NECTIN1: variants seen among roughly 807,000 people sequenced by gnomAD.
The protein encoded by NECTIN1 is nectin-1.
A neutral mutation model predicts 48.0 loss-of-function variants in NECTIN1; 23 were observed. The observed-to-expected ratio is 0.48, with a 90% CI of 0.34 to 0.68. NECTIN1 has a LOEUF of 0.68. Among genes scored for constraint, NECTIN1 ranks in the 30% least tolerant of loss-of-function variants. NECTIN1 has a pLI of 0.01. For missense variants in NECTIN1, 591 were observed against 709.9 expected, an observed-to-expected ratio of 0.83 and a Z score of 1.90; for synonymous variants, 270 against 288.9, an observed-to-expected ratio of 0.93 and a Z score of 0.66.
downstream of NECTIN1, among the ~76,000 whole-genome samples, chr11:119,658,195 G>A (rs931953): frequency 0.69 from 104,239 of 151,952 alleles, 37,046 homozygotes; most frequent in Non-Finnish European, 0.78. Flanking sequence ...GCATAGATGA[G>A]GCCCCAGCTC....
Position 119,665,078 on chromosome 11 carries a change from T to A in NECTIN1, c.1223A>T (p.His408Leu), listed in dbSNP as rs1166706388. 3 of 1,613,848 alleles carry A rather than the reference T, an allele frequency of 1.9e-6. No individual in the cohort carries two copies. Among genetic ancestry groups the A allele is most frequent in the Non-Finnish European group, 2.5e-6 (3 of 1,179,968 alleles). ...NGYSKAGIPQ[H>L]HPPMAQNLQY... Reference sequence around the variant, plus strand: ...CAGGTTCTGTGCCATTGGTGGGTGGTGCTGGGGGATGCCTGCCTTGCTGTA... The same window carrying A: ...CAGGTTCTGTGCCATTGGTGGGTGGAGCTGGGGGATGCCTGCCTTGCTGTA... Residue 408 changes from histidine to leucine, a missense_variant, in exon 6 of 6, where the codon CAC becomes CTC. By Grantham distance (99) the His-to-Leu change is moderately conservative (BLOSUM62 -3). Coordinates refer to ENST00000264025, the MANE Select transcript of NECTIN1 (RefSeq NM_002855.5). The surrounding 1 kb of genome is among the most constrained non-coding windows in gnomAD (Gnocchi z 5.1).
chr11:119,693,216 T>G (rs552099728), intron 1 of NECTIN1, among the ~76,000 whole-genome samples: 1 of 152,086 alleles, frequency 6.6e-6, no homozygotes, highest in African/African-American at 2.4e-5. Flanking sequence ...ACTCTCGGGG[T>G]GTGTGTCTCT....
At position 119,697,762 on chromosome 11, in the gene NECTIN1, A is replaced by C. The variant is rs115270568; in HGVS notation, c.80-18997T>G. ...CCACTGTGCTCCCTTTCAGACTGAC[A>C]CTGCCCCTTGGTTTTCTGTCTCCTC... On this transcript the variant is annotated intron_variant, in intron 1 of 5. Coordinates refer to ENST00000264025, the MANE Select transcript of NECTIN1 (RefSeq NM_002855.5). Among the ~76,000 whole-genome samples, 976 of 152,332 alleles carry C rather than the reference A, an allele frequency of 6.4e-3. 12 individuals carry two copies. The highest frequency in any genetic ancestry group is 0.022 in the African/African-American group (914 of 41,568).
chr11:119,687,111 A>T (rs767754769), intron 1 of NECTIN1, among the ~76,000 whole-genome samples: 10 of 151,988 alleles, frequency 6.6e-5, no homozygotes, highest in African/African-American at 9.7e-5. Context: ...TCCTTCCTTG[A>T]CTGAAAGCAG....
intron 1 of NECTIN1, among the ~76,000 whole-genome samples, chr11:119,703,344 G>T (rs1185789462): frequency 6.6e-6 from 1 of 152,180 alleles, no homozygotes; most frequent in African/African-American, 2.4e-5. Context: ...TGGCACCAAC[G>T]GGACAGATAA....
At chr11:119,710,434 A>ACAC (rs1565400724) in intron 1 of NECTIN1, among the ~76,000 whole-genome samples, 2 of 151,368 alleles carry the variant, frequency 1.3e-5, no homozygotes, top group Non-Finnish European at 3.0e-5. Flanking sequence ...ACACACACAC[A>ACAC]GCCCTGCATG....
chr11:119,712,420 T>A (rs1482124066), intron 1 of NECTIN1, among the ~76,000 whole-genome samples: 1 of 152,012 alleles, frequency 6.6e-6, no homozygotes, highest in South Asian at 2.1e-4. Context: ...GGGGGCTTTG[T>A]GCAAAGATCA....
At chr11:119,638,235 C>T (rs1240679781) in exon 8 of NECTIN1, 1 of 1,613,912 alleles carries the variant, frequency 6.2e-7, no homozygotes, top group Non-Finnish European at 8.5e-7. Context: ...CTCCCTGGGT[C>T]CAGGTGGACA....
At chr11:119,715,179 G>C (rs997028635) in intron 1 of NECTIN1, among the ~76,000 whole-genome samples, 9 of 152,136 alleles carry the variant, frequency 5.9e-5, no homozygotes, top group African/African-American at 2.2e-4. Flanking sequence ...GTTTTAGGAA[G>C]TGAATGGGGT....
intron 1 of NECTIN1, among the ~76,000 whole-genome samples, chr11:119,724,141 C>G (rs368382087): frequency 6.6e-6 from 1 of 152,204 alleles, no homozygotes; most frequent in African/African-American, 2.4e-5. Context: ...TTTAATTGCC[C>G]AGAGTATGCT....
intron 1 of NECTIN1, among the ~76,000 whole-genome samples, chr11:119,704,799 C>T (rs1360277438): frequency 6.6e-6 from 1 of 152,206 alleles, no homozygotes; most frequent in Non-Finnish European, 1.5e-5. Flanking sequence ...AGAAAAAGGG[C>T]TGAGAGCTCA....
At chr11:119,685,866 G>A (rs1865145870) in intron 1 of NECTIN1, among the ~76,000 whole-genome samples, 1 of 152,176 alleles carries the variant, frequency 6.6e-6, no homozygotes, top group Non-Finnish European at 1.5e-5. Context: ...GGATAGGGTG[G>A]TTTCCTTTGC....
intron 5 of NECTIN1, among the ~76,000 whole-genome samples, chr11:119,648,301 GTGGTGA>G (rs1864433461): frequency 3.9e-4 from 5 of 12,910 alleles, no homozygotes; most frequent in Admixed American, 1.2e-3. Context: ...GGTGGTGGTG[GTGGTGA>G]TGGTGGTGAT....
chr11:119,699,215 C>T (rs897371237), intron 1 of NECTIN1, among the ~76,000 whole-genome samples: 1 of 152,202 alleles, frequency 6.6e-6, no homozygotes, highest in Non-Finnish European at 1.5e-5. Flanking sequence ...TGTGTTTATA[C>T]TGTGGCATGT....
rs192516069 is a variant in NECTIN1 at position 119,673,059 on chromosome 11, C to T, written c.1003+2100G>A. 6.6e-6 allele frequency among the ~76,000 whole-genome samples: 1 copy of T among 152,380 alleles called. No individual in the cohort carries two copies. The highest frequency in any genetic ancestry group is 2.4e-5 in the African/African-American group (1 of 41,600). On this transcript the variant is annotated intron_variant, in intron 5 of 5. Transcript: ENST00000264025. The surrounding 1 kb of genome is among the most constrained non-coding windows in gnomAD (Gnocchi z 5.8). ...AAAAATTAAATTTCCACTTATCCCTCTCGCTCATGCATTCCCTCTGGACCA... is the reference window on the plus strand; with the variant it reads ...AAAAATTAAATTTCCACTTATCCCTTTCGCTCATGCATTCCCTCTGGACCA...
At chr11:119,719,400 A>G (rs1392570917) in intron 1 of NECTIN1, among the ~76,000 whole-genome samples, 2 of 152,328 alleles carry the variant, frequency 1.3e-5, no homozygotes, top group East Asian at 1.9e-4. Flanking sequence ...GCCACATGGT[A>G]TAAACACGGA....
chr11:119,721,849 A>T (rs1865836142), intron 1 of NECTIN1, among the ~76,000 whole-genome samples: 1 of 152,168 alleles, frequency 6.6e-6, no homozygotes, highest in Non-Finnish European at 1.5e-5. Context: ...ATTGTTAGGC[A>T]TCCTCTATTC....
intron 5 of NECTIN1, chr11:119,674,487 A>C: frequency 6.2e-7 from 1 of 1,612,628 alleles, no homozygotes; most frequent in East Asian, 2.2e-5. Flanking sequence ...TTCAAGGTAC[A>C]TCATACTGTC....
intron 5 of NECTIN1, among the ~76,000 whole-genome samples, chr11:119,654,962 T>G (rs910060619): frequency 4.6e-5 from 7 of 152,062 alleles, no homozygotes; most frequent in Non-Finnish European, 1.0e-4. Flanking sequence ...AAGGCTGGAG[T>G]GCAATGGTGC....
Sources: allele counts gnomAD v4.1 joint callset (sites outside exome capture counted in the v4.1 genomes callset), GRCh38; gene constraint gnomAD v4.1.1; non-coding constraint Gnocchi (gnomAD v3.1); transcripts MANE v1.5; gene names NCBI Gene and HGNC (gene_info 2026-07-23, HGNC 2026-07-21).